The following ANKRD31 variants were observed in gnomAD, a reference collection of about 807,000 sequenced individuals.
ANKRD31 encodes ankyrin repeat domain 31, also known as ankyrin repeat domain-containing protein 31.
A neutral mutation model predicts 186.0 loss-of-function variants in ANKRD31; 147 were observed. The observed-to-expected ratio is 0.79, with a 90% CI of 0.69 to 0.91. The LOEUF is 0.91. Among genes scored for constraint, ANKRD31 ranks in the 40% least tolerant of loss-of-function variants. ANKRD31 has a pLI of 0.00. For synonymous variants in ANKRD31, 673 were observed against 736.4 expected, an observed-to-expected ratio of 0.91 and a Z score of 1.39; for missense variants, 1,986 against 2,148.8, an observed-to-expected ratio of 0.92 and a Z score of 1.50.
At chr5:75,070,538 C>T (rs1432682611) in intron 25 of ANKRD31, among the ~76,000 whole-genome samples, 1 of 152,212 alleles carries the variant, frequency 6.6e-6, no homozygotes, top group Non-Finnish European at 1.5e-5. Flanking sequence ...TTAAGAGGTT[C>T]TGCCAGAGTG....
intron 10 of ANKRD31, among the ~76,000 whole-genome samples, chr5:75,185,198 A>G (rs1754618452): frequency 6.6e-6 from 1 of 152,148 alleles, no homozygotes; most frequent in Non-Finnish European, 1.5e-5. Context: ...TGGTTACTAC[A>G]GACTGAGGAG....
At chr5:75,198,898 G>T (rs906710045) in intron 6 of ANKRD31, among the ~76,000 whole-genome samples, 1 of 152,068 alleles carries the variant, frequency 6.6e-6, no homozygotes, top group Non-Finnish European at 1.5e-5. Flanking sequence ...AGACCTATCT[G>T]GTTTCCAAAT....
intron 17 of ANKRD31, among the ~76,000 whole-genome samples, chr5:75,131,263 G>A (rs1404170837): frequency 6.6e-6 from 1 of 152,220 alleles, no homozygotes; most frequent in African/African-American, 2.4e-5. Context: ...CCTGGAGCGT[G>A]GCAAGAGTGG....
At chr5:75,099,658 G>C (rs1323335602) in intron 22 of ANKRD31, among the ~76,000 whole-genome samples, 1 of 152,098 alleles carries the variant, frequency 6.6e-6, no homozygotes, top group Non-Finnish European at 1.5e-5. Flanking sequence ...GTTTAGTCTT[G>C]GGAGGGTGTA....
intron 10 of ANKRD31, among the ~76,000 whole-genome samples, chr5:75,173,875 C>G (rs964866029): frequency 2.0e-5 from 3 of 152,096 alleles, no homozygotes; most frequent in African/African-American, 7.2e-5. Flanking sequence ...TTGGAAAAAA[C>G]TACTTTAAAG....
rs1180470583 is a variant in ANKRD31 at position 75,146,365 on chromosome 5, G to C, written c.3046C>G (p.Leu1016Val). Residue 1016 changes from leucine to valine, a missense_variant, in exon 14 of 26, where the codon CTT (leucine) becomes GTT (valine). Physicochemically the swap from Leu to Val is conservative, Grantham distance 32 (BLOSUM62 1). Coordinates refer to ENST00000506364, the MANE Select transcript of ANKRD31 (RefSeq NM_001372053.1). ...EQNSLACMRT[L>V]LTHEASKLTN... ...AACTTTGAAGCCTCATGTGTCAAAA[G>C]TGTTCTCATACAAGCCAGGGAATTT... The C allele has an allele frequency of 2.0e-6, 3 of 1,536,548 alleles. No homozygotes were observed. The Admixed American group carries it at 5.9e-5, about 30-fold the overall frequency.
intron 17 of ANKRD31, among the ~76,000 whole-genome samples, chr5:75,119,510 C>G (rs1041403357): frequency 6.6e-6 from 1 of 152,154 alleles, no homozygotes; most frequent in Non-Finnish European, 1.5e-5. Flanking sequence ...TGATGGTCAC[C>G]TTGGGTGATT....
Position 75,138,998 on chromosome 5 carries a change from A to G in ANKRD31, c.3596-15T>C. On this transcript the variant is annotated splice_polypyrimidine_tract_variant and intron_variant, in intron 15 of 25. Transcript: ENST00000506364. ...TGCTTTCATTCCTGTAAATTTGCCA[A>G]ACAAGAGGTTTATTTTCTGCCAAAT... 3 of 1,535,402 alleles carry G rather than the reference A, an allele frequency of 2.0e-6. No individual in the cohort carries two copies. The highest frequency in any genetic ancestry group is 2.4e-5 in the South Asian group (2 of 83,684).
intron 22 of ANKRD31, among the ~76,000 whole-genome samples, chr5:75,100,092 A>G (rs897899053): frequency 1.3e-5 from 2 of 152,160 alleles, no homozygotes; most frequent in African/African-American, 4.8e-5. Flanking sequence ...ACACTGCTTT[A>G]AATGTGTCCC....
intron 2 of ANKRD31, among the ~76,000 whole-genome samples, chr5:75,224,135 A>T (rs1366125742): frequency 6.8e-5 from 4 of 59,060 alleles, no homozygotes; most frequent in Admixed American, 3.2e-4. Flanking sequence ...ATAATTATAT[A>T]TATATATATA....
At chr5:75,171,320 T>C (rs1280050108) in intron 10 of ANKRD31, among the ~76,000 whole-genome samples, 3 of 152,014 alleles carry the variant, frequency 2.0e-5, no homozygotes, top group Non-Finnish European at 4.4e-5. Context: ...GAAAGGTATC[T>C]AGAGAATCCC....
Position 75,146,164 on chromosome 5 carries a change from T to C in ANKRD31, c.3247A>G (p.Ile1083Val), listed in dbSNP as rs1424734499. The C allele has an allele frequency of 3.3e-6, 5 of 1,535,818 alleles. No individual in the cohort carries two copies. In the African/African-American group the frequency reaches 5.5e-5, roughly 17 times the overall value. Residue 1083 changes from isoleucine to valine, a missense_variant, in exon 14 of 26, where the codon ATA (isoleucine) becomes GTA (valine). Coordinates refer to ENST00000506364, the MANE Select transcript of ANKRD31 (RefSeq NM_001372053.1). ...TCTATTACTTGAGAATGAGCAACTATGGATAAAGGCTCATTTGAATAAATT... is the reference window on the plus strand; with the variant it reads ...TCTATTACTTGAGAATGAGCAACTACGGATAAAGGCTCATTTGAATAAATT... Reference protein sequence around the residue: ...KIIYSNEPLSIVAHSQVIETT... With the variant: ...KIIYSNEPLSVVAHSQVIETT...
intron 17 of ANKRD31, among the ~76,000 whole-genome samples, chr5:75,130,308 C>T (rs1749673564): frequency 2.0e-5 from 3 of 152,212 alleles, no homozygotes; most frequent in Admixed American, 6.5e-5. Flanking sequence ...GAGTGAGCAG[C>T]AGCAAAATTT....
At chr5:75,135,024 A>G (rs1002023610) in intron 17 of ANKRD31, among the ~76,000 whole-genome samples, 1 of 152,210 alleles carries the variant, frequency 6.6e-6, no homozygotes, top group Non-Finnish European at 1.5e-5. Flanking sequence ...TCTCAAAATA[A>G]TAAGAGCTAT....
At position 75,146,757 on chromosome 5, in the gene ANKRD31, T is replaced by A; in HGVS notation, c.2654A>T (p.Lys885Ile). 1 of 1,536,302 alleles carries A rather than the reference T, an allele frequency of 6.5e-7. No homozygotes were observed. Among genetic ancestry groups the A allele is most frequent in the South Asian group, 1.2e-5 (1 of 84,022 alleles). ...NLVPKDERFN[K>I]WENSFLSFVK... ...AAAGGATAGGAAAGAATTTTCCCAT[T>A]TGTTAAATCTCTCATCTTTTGGGAC... The change falls in exon 14 of 26, where the codon AAA becomes ATA. Residue 885 changes from lysine (K) to isoleucine (I), a missense_variant. By Grantham distance (102) the Lys-to-Ile change is moderately radical. Transcript: ENST00000506364.
Position 75,169,093 on chromosome 5 carries a change from T to C in ANKRD31, c.1593A>G (p.Val531=), listed in dbSNP as rs1420177506. The C allele has an allele frequency of 6.5e-7, 1 of 1,537,088 alleles. No homozygotes were observed. The highest frequency in any genetic ancestry group is 8.7e-7 in the Non-Finnish European group (1 of 1,146,612). Residue 531 remains valine (V), a synonymous_variant, in exon 11 of 26, where the codon GTA becomes GTG. Coordinates refer to ENST00000506364, the MANE Select transcript of ANKRD31 (RefSeq NM_001372053.1). ...CACTTGCTGTCCGATAAAATCCTCCTACACTAGCTTCATGAAGTGCTGTCC... is the reference window on the plus strand; with the variant it reads ...CACTTGCTGTCCGATAAAATCCTCCCACACTAGCTTCATGAAGTGCTGTCC... ...AGWTALHEAS[V]GGFYRTASEL... is the part of the protein sequence containing the mutation.
At chr5:75,138,585 G>C (rs1750782691) in intron 16 of ANKRD31, among the ~76,000 whole-genome samples, 2 of 152,186 alleles carry the variant, frequency 1.3e-5, no homozygotes, top group South Asian at 4.2e-4. Context: ...CCAAGGAAAA[G>C]GCCTAACTCC....
At chr5:75,078,241 C>T (rs1444937813) in intron 25 of ANKRD31, among the ~76,000 whole-genome samples, 5 of 152,212 alleles carry the variant, frequency 3.3e-5, no homozygotes, top group South Asian at 2.1e-4. Context: ...GTTTAAAAAG[C>T]GCTTAACCAC....
chr5:75,096,032 T>C (rs1746292652), intron 22 of ANKRD31, among the ~76,000 whole-genome samples: 1 of 152,188 alleles, frequency 6.6e-6, no homozygotes, highest in Non-Finnish European at 1.5e-5. Context: ...GGAAAATACA[T>C]ATTCTTCTCA....
Sources: allele counts gnomAD v4.1 joint callset (sites outside exome capture counted in the v4.1 genomes callset), GRCh38; gene constraint gnomAD v4.1.1; transcripts MANE v1.5; gene names NCBI Gene and HGNC (gene_info 2026-07-23, HGNC 2026-07-21).